Variants in RPS6KB1 observed in about 807,000 individuals in gnomAD.
RPS6KB1 encodes ribosomal protein S6 kinase B1.
Under a neutral mutation model 70.2 loss-of-function variants are expected in RPS6KB1, and 12 were observed. The observed-to-expected ratio is 0.17, with a 90% CI of 0.11 to 0.28. The LOEUF is 0.28. Among genes scored for constraint, RPS6KB1 ranks in the 10% least tolerant of loss-of-function variants. The pLI, the probability that RPS6KB1 is intolerant of heterozygous loss-of-function variation, is 1.00. For synonymous variants in RPS6KB1, 175 were observed against 211.2 expected (o/e 0.83, Z 1.49); for missense variants, 270 against 646.6 (o/e 0.42, Z 6.32).
At chr17:59,903,163 G>C (rs1044673671) in intron 1 of RPS6KB1, among the ~76,000 whole-genome samples, 2 of 151,918 alleles carry the variant, frequency 1.3e-5, no homozygotes, top group African/African-American at 4.8e-5. Context: ...AAAATTAGCC[G>C]GGCGTGGTGG....
intron 13 of RPS6KB1, among the ~76,000 whole-genome samples, chr17:59,942,713 G>A (rs1204163527): frequency 1.3e-5 from 2 of 152,102 alleles, no homozygotes; most frequent in African/African-American, 4.8e-5. Context: ...TGGGAAATAA[G>A]CTCTAAAGTT....
chr17:59,946,726 T>C lies in RPS6KB1; in HGVS notation c.1516T>C (p.Tyr506His), dbSNP rs2145086399. 1 of 1,613,986 alleles carries C rather than the reference T, an allele frequency of 6.2e-7. No individual in the cohort carries two copies. The highest frequency in any genetic ancestry group is 2.2e-5 in the East Asian group (1 of 44,880). Residue 506 changes from tyrosine (Y) to histidine (H), a missense_variant, in exon 15 of 15, where the codon TAC (tyrosine) becomes CAC (histidine). Tyr to His is a moderately conservative substitution (Grantham distance 83). Around this residue, in one of 4 missense-constraint regions of RPS6KB1, gnomAD observed 133 missense variants for 314.7 expected, o/e 0.42. Transcript: ENST00000225577. The surrounding 1 kb of genome is among the most constrained non-coding windows in gnomAD (Gnocchi z 4.2). ...AATACGACAGCCGAACTCTGGGCCA[T>C]ACAAAAAACAAGCTTTTCCCATGAT... is the stretch of plus-strand genomic sequence containing the variant. Reference protein sequence around the residue: ...LPIRQPNSGPYKKQAFPMISK... With the variant: ...LPIRQPNSGPHKKQAFPMISK...
At chr17:59,900,391 G>A (rs887021457) in intron 1 of RPS6KB1, among the ~76,000 whole-genome samples, 7 of 151,810 alleles carry the variant, frequency 4.6e-5, no homozygotes, top group Non-Finnish European at 1.0e-4. Flanking sequence ...TTGAGATGGA[G>A]TCTCACTCTT....
chr17:59,900,009 T>TA (rs912078259), intron 1 of RPS6KB1, among the ~76,000 whole-genome samples: 1 of 151,498 alleles, frequency 6.6e-6, no homozygotes, highest in Non-Finnish European at 1.5e-5. Context: ...TACAAAAAAT[T>TA]AAAAAAATAA....
intron 10 of RPS6KB1, 49 bp from the exon 11 acceptor site, chr17:59,936,166 A>T: frequency 6.5e-7 from 1 of 1,542,552 alleles, no homozygotes; most frequent in South Asian, 1.2e-5. Context: ...GAAAAAAAAA[A>T]ATCAGTTTGA....
intron 1 of RPS6KB1, among the ~76,000 whole-genome samples, chr17:59,896,893 G>A (rs1390496668): frequency 2.0e-5 from 3 of 151,428 alleles, no homozygotes; most frequent in African/African-American, 7.3e-5. Flanking sequence ...AGGAGATTCG[G>A]TGACATCCAG....
intron 1 of RPS6KB1, among the ~76,000 whole-genome samples, chr17:59,895,604 G>A (rs1468437579): frequency 6.6e-6 from 1 of 151,742 alleles, no homozygotes; most frequent in Non-Finnish European, 1.5e-5. Context: ...TTACAGGTGT[G>A]AGCCACCCCA....
intron 1 of RPS6KB1, among the ~76,000 whole-genome samples, chr17:59,900,169 TAAACACACACAC>T (rs2041824867): frequency 3.5e-5 from 2 of 57,494 alleles, no homozygotes; most frequent in African/African-American, 1.2e-4. Context: ...ACCTAATTGC[TAAACACACACAC>T]ACACACACAC....
chr17:59,940,827 T>C lies in RPS6KB1; in HGVS notation c.1120-9T>C, dbSNP rs766786087. ...TTATTATTTTCTAAATTATTTTGTT[T>C]GTATAAAGCAATCTGAAGAGGATGT... On this transcript the variant is annotated splice_polypyrimidine_tract_variant and intron_variant, in intron 12 of 14. Coordinates refer to ENST00000225577, the MANE Select transcript of RPS6KB1 (RefSeq NM_003161.4). The C allele has an allele frequency of 2.7e-6, 4 of 1,480,274 alleles. No homozygotes were observed. The East Asian group carries it at 6.8e-5, about 25-fold the overall frequency. 91.7% of individuals were successfully genotyped at this position (1,480,274 alleles called of 1,614,324 possible).
intron 1 of RPS6KB1, among the ~76,000 whole-genome samples, chr17:59,908,802 T>C (rs889408258): frequency 2.1e-5 from 3 of 141,308 alleles, no homozygotes; most frequent in African/African-American, 8.2e-5. Flanking sequence ...GTATTTTTAG[T>C]AGAGACGGGG....
intron 4 of RPS6KB1, among the ~76,000 whole-genome samples, chr17:59,921,594 G>T (rs1027258676): frequency 6.6e-6 from 1 of 152,164 alleles, no homozygotes; most frequent in South Asian, 2.1e-4. Context: ...TAAGTGAGTT[G>T]TTTCAATCTG....
At chr17:59,933,246 A>G (rs1464298191) in intron 7 of RPS6KB1, among the ~76,000 whole-genome samples, 1 of 151,072 alleles carries the variant, frequency 6.6e-6, no homozygotes, top group Non-Finnish European at 1.5e-5. Context: ...AACTGAATAT[A>G]TCATGGGAAT....
chr17:59,942,858 T>C (rs1365209270), intron 13 of RPS6KB1, among the ~76,000 whole-genome samples: 2 of 151,938 alleles, frequency 1.3e-5, no homozygotes, highest in Non-Finnish European at 2.9e-5. Context: ...CATGCACCTG[T>C]GGTACCAACT....
At chr17:59,910,047 C>T (rs1481008036) in intron 1 of RPS6KB1, among the ~76,000 whole-genome samples, 1 of 151,582 alleles carries the variant, frequency 6.6e-6, no homozygotes, top group Non-Finnish European at 1.5e-5. Flanking sequence ...ATTAGCCAAG[C>T]ATGGTGGTAC....
At chr17:59,943,344 A>G (rs2044725086) in intron 13 of RPS6KB1, among the ~76,000 whole-genome samples, 1 of 152,276 alleles carries the variant, frequency 6.6e-6, no homozygotes, top group East Asian at 1.9e-4. Context: ...CTTTTCCTCA[A>G]TTGGACATTG....
rs576833126 is a variant in RPS6KB1, at chr17:59,935,276, A to G, written c.954A>G (p.Gln318=). ...CKLNLPPYLT[Q]EARDLLKKLL... Reference sequence around the variant, plus strand: ...TCAATTTGCCTCCCTACCTCACACAAGAAGCCAGAGATCTGCTTAAAAAGG... The same window carrying G: ...TCAATTTGCCTCCCTACCTCACACAGGAAGCCAGAGATCTGCTTAAAAAGG... Residue 318 remains glutamine, a synonymous_variant, in exon 10 of 15, where the codon CAA becomes CAG. Coordinates refer to ENST00000225577, the MANE Select transcript of RPS6KB1 (RefSeq NM_003161.4). 4 of 1,607,134 alleles carry G rather than the reference A, an allele frequency of 2.5e-6. No homozygotes were observed. The highest frequency in any genetic ancestry group is 4.5e-5 in the East Asian group (2 of 44,770).
chr17:59,918,153 G>A (rs1230197583), intron 4 of RPS6KB1, among the ~76,000 whole-genome samples: 2 of 151,974 alleles, frequency 1.3e-5, no homozygotes, highest in Non-Finnish European at 2.9e-5. Context: ...GGCTGGTTTC[G>A]AACTCCTGAC....
chr17:59,936,650 A>G (rs1443172788), intron 12 of RPS6KB1, 109 bp downstream of exon 12: 2 of 851,518 alleles, frequency 2.3e-6, no homozygotes, highest in African/African-American at 3.4e-5. Context: ...GTTCAAGACC[A>G]GCATGGGCAA....
At position 59,893,231 on chromosome 17, in the gene RPS6KB1, T is replaced by G. The variant is rs759865603; in HGVS notation, c.47T>G (p.Phe16Cys). Reference sequence around the variant, plus strand: ...GACGGCTTTTACCCAGCCCCGGACTTCCGAGACAGGGAAGCTGAGGACATG... The same window carrying G: ...GACGGCTTTTACCCAGCCCCGGACTGCCGAGACAGGGAAGCTGAGGACATG... ...RRDGFYPAPD[F>C]RDREAEDMAG... is the part of the protein sequence containing the mutation. Residue 16 changes from phenylalanine to cysteine, a missense_variant, in exon 1 of 15, where the codon TTC becomes TGC. Phe to Cys is a radical substitution (Grantham distance 205). Around this residue, in one of 4 missense-constraint regions of RPS6KB1, gnomAD observed 72 missense variants for 93.4 expected, o/e 0.77. Transcript: ENST00000225577. The surrounding 1 kb of genome is among the most constrained non-coding windows in gnomAD (Gnocchi z 4.1). 1.1e-5 allele frequency: 18 copies of G among 1,612,268 alleles called. No individual in the cohort carries two copies. In the African/African-American group the frequency reaches 2.1e-4, roughly 19 times the overall value.
Sources: allele counts gnomAD v4.1 joint callset (sites outside exome capture counted in the v4.1 genomes callset), GRCh38; gene constraint gnomAD v4.1.1; regional missense constraint gnomAD v4.1.1; non-coding constraint Gnocchi (gnomAD v3.1); transcripts MANE v1.5; gene names NCBI Gene and HGNC (gene_info 2026-07-23, HGNC 2026-07-21).